NEURL1: variants seen among roughly 807,000 people sequenced by gnomAD.
NEURL1 encodes neuralized E3 ubiquitin protein ligase 1, also known as E3 ubiquitin-protein ligase NEURL1.
A neutral mutation model predicts 41.2 loss-of-function variants in NEURL1; 26 were observed. That is an observed-to-expected ratio of 0.63 (90% CI 0.46 to 0.87). NEURL1 has a LOEUF of 0.87. Among genes scored for constraint, NEURL1 ranks in the 40% least tolerant of loss-of-function variants. The pLI is 0.00. For missense variants in NEURL1, 761 were observed against 871.1 expected (o/e 0.87, Z 1.59); for synonymous variants, 400 against 402.3 (o/e 0.99, Z 0.07).
chr10:103,584,384 T>A, intron 3 of NEURL1, 152 bp from the exon 4 acceptor site: 1 of 461,924 alleles, frequency 2.2e-6, no homozygotes, highest in Non-Finnish European at 3.6e-6. Context: ...GAGTCGTTTC[T>A]TGACTGTGTT....
intron 1 of NEURL1, among the ~76,000 whole-genome samples, chr10:103,513,659 G>A (rs1224555104): frequency 1.3e-5 from 2 of 152,160 alleles, no homozygotes; most frequent in Non-Finnish European, 2.9e-5. Flanking sequence ...GACTCACAGG[G>A]CAAGTTGAAG....
chr10:103,589,170 G>A (rs1386233804), intron 4 of NEURL1, among the ~76,000 whole-genome samples: 1 of 152,120 alleles, frequency 6.6e-6, no homozygotes, highest in Admixed American at 6.5e-5. Flanking sequence ...GGCCCAGGAA[G>A]CTTTGCAGAA....
At chr10:103,520,688 G>A (rs552549286) in intron 1 of NEURL1, among the ~76,000 whole-genome samples, 25 of 152,184 alleles carry the variant, frequency 1.6e-4, no homozygotes, top group African/African-American at 3.1e-4. Flanking sequence ...AAATAGTGTC[G>A]AAGTGTTGGG....
At chr10:103,574,849 T>G (rs549150810) in intron 3 of NEURL1, among the ~76,000 whole-genome samples, 82 of 152,294 alleles carry the variant, frequency 5.4e-4, no homozygotes, top group Non-Finnish European at 8.5e-4. Context: ...GGCTCCTCTC[T>G]GCACACCCGA....
chr10:103,499,176 G>A (rs2033762255), intron 1 of NEURL1, among the ~76,000 whole-genome samples: 1 of 152,190 alleles, frequency 6.6e-6, no homozygotes. Context: ...TGACGCCAGC[G>A]AGACACCTGT....
At chr10:103,517,524 C>T (rs1276342474) in intron 1 of NEURL1, 1 of 152,436 alleles carries the variant, frequency 6.6e-6, no homozygotes, top group Admixed American at 6.5e-5. Context: ...AGTGAGTCCT[C>T]TCCTGCCCAC....
intron 1 of NEURL1, among the ~76,000 whole-genome samples, chr10:103,501,083 A>G (rs1050647648): frequency 6.6e-6 from 1 of 152,160 alleles, no homozygotes; most frequent in Admixed American, 6.5e-5. Context: ...AGGGATGGTG[A>G]GCAGTCCTCT....
chr10:103,534,029 A>C (rs1258018308), intron 1 of NEURL1, among the ~76,000 whole-genome samples: 1 of 151,998 alleles, frequency 6.6e-6, no homozygotes, highest in Non-Finnish European at 1.5e-5. Context: ...AGCGCTGTTG[A>C]AGCTCTCTAT....
chr10:103,590,592 A>C lies in NEURL1; in HGVS notation c.*220A>C. ...CCGGGCAGAGGGAGGGGAGGAGAGG[A>C]GGCCGCACTCTCCCTGTCTCTCCCG... On this transcript the variant is annotated 3_prime_UTR_variant, in exon 6 of 6. Transcript: ENST00000369780. 1.7e-6 allele frequency: 1 copy of C among 582,690 alleles called. No individual in the cohort carries two copies. The highest frequency in any genetic ancestry group is 2.0e-5 in the South Asian group (1 of 49,312). 36.1% of individuals were successfully genotyped at this position (582,690 alleles called of 1,614,324 possible). A position where few individuals can be genotyped will look rare whatever the true frequency, so the allele number is the denominator to read the frequency against.
At position 103,570,969 on chromosome 10, in the gene NEURL1, G is replaced by A. The variant is rs2035529347; in HGVS notation, c.183G>A (p.Thr61=). 14 of 1,613,848 alleles carry A rather than the reference G, an allele frequency of 8.7e-6. No individual in the cohort carries two copies. Among genetic ancestry groups the A allele is most frequent in the South Asian group, 6.6e-5 (6 of 91,084 alleles). ...AVLPSGGLPA[T]PLLFHPHTKG... ...TGCCCAGCGGGGGGCTCCCAGCCAC[G>A]CCGCTGCTCTTCCACCCGCACACCA... Residue 61 remains threonine, a synonymous_variant, in exon 2 of 6, where the codon ACG becomes ACA. Coordinates refer to ENST00000369780, the MANE Select transcript of NEURL1 (RefSeq NM_004210.5).
chr10:103,571,762 G>T lies in NEURL1; in HGVS notation c.589G>T (p.Ala197Ser). The T allele has an allele frequency of 1.9e-6, 3 of 1,613,782 alleles. No individual in the cohort carries two copies. Among genetic ancestry groups the T allele is most frequent in the Non-Finnish European group, 1.7e-6 (2 of 1,179,922 alleles). ...VMLFFSGVRT[A>S]DPLWALVDVY... ...GCTGTTCTTCAGCGGGGTCCGCACG[G>T]CCGACCCGCTCTGGGCCCTGGTGGA... Residue 197 changes from alanine (A) to serine (S), a missense_variant, in exon 3 of 6, where the codon GCC (alanine) becomes TCC (serine). Around this residue, in one of 5 missense-constraint regions of NEURL1, gnomAD observed 114 missense variants for 144.8 expected, o/e 0.79. Transcript: ENST00000369780.
At chr10:103,503,488 A>C (rs1050222886) in intron 1 of NEURL1, among the ~76,000 whole-genome samples, 2 of 152,134 alleles carry the variant, frequency 1.3e-5, no homozygotes, top group African/African-American at 4.8e-5. Flanking sequence ...TGGGAACTGA[A>C]GTTCTCTGAG....
chr10:103,565,545 C>T (rs946876153), intron 1 of NEURL1, among the ~76,000 whole-genome samples: 1 of 152,228 alleles, frequency 6.6e-6, no homozygotes, highest in African/African-American at 2.4e-5. Context: ...ACATCCTAGG[C>T]ACTGCCCAGG....
At chr10:103,526,525 T>TC in intron 1 of NEURL1, among the ~76,000 whole-genome samples, 1 of 152,302 alleles carries the variant, frequency 6.6e-6, no homozygotes, top group African/African-American at 2.4e-5. Flanking sequence ...TCTTTTCTTT[T>TC]TTTTTTGAGA....
Position 103,584,902 on chromosome 10 carries a change from T to A in NEURL1, c.1016T>A (p.Phe339Tyr). The A allele has an allele frequency of 1.4e-6, 2 of 1,459,524 alleles. No homozygotes were observed. Among genetic ancestry groups the A allele is most frequent in the Non-Finnish European group, 9.0e-7 (1 of 1,113,098 alleles). 90.4% of individuals were successfully genotyped at this position (1,459,524 alleles called of 1,614,324 possible). Residue 339 changes from phenylalanine (F) to tyrosine (Y), a missense_variant, in exon 4 of 6, where the codon TTC becomes TAC. By Grantham distance (22) the Phe-to-Tyr change is conservative. This residue lies in a region of NEURL1 where 443 missense variants were observed against 408.1 expected (regional missense o/e 1.09). Coordinates refer to ENST00000369780, the MANE Select transcript of NEURL1 (RefSeq NM_004210.5). ...SRPVRVAETI[F>Y]VKVTRSGGAR... is the part of the protein sequence containing the mutation. Reference sequence around the variant, plus strand: ...CCCGTGCGCGTGGCCGAGACCATCTTCGTCAAGGTCACGCGCTCGGGTGGC... The same window carrying A: ...CCCGTGCGCGTGGCCGAGACCATCTACGTCAAGGTCACGCGCTCGGGTGGC...
chr10:103,533,578 C>T (rs1466236842), intron 1 of NEURL1, among the ~76,000 whole-genome samples: 5 of 151,890 alleles, frequency 3.3e-5, no homozygotes, highest in Admixed American at 3.3e-4. Flanking sequence ...ACTCTGTCGC[C>T]CAGGCTGGAG....
At chr10:103,532,499 A>C (rs1202416907) in intron 1 of NEURL1, among the ~76,000 whole-genome samples, 1 of 152,004 alleles carries the variant, frequency 6.6e-6, no homozygotes, top group East Asian at 1.9e-4. Context: ...GGGAAAGACT[A>C]TTTCTCCCTA....
chr10:103,573,868 C>T lies in NEURL1; in HGVS notation c.649+2046C>T, dbSNP rs188735605. On this transcript the variant is annotated intron_variant, in intron 3 of 5. Coordinates refer to ENST00000369780, the MANE Select transcript of NEURL1 (RefSeq NM_004210.5). ...CCAAAGCCCCCTCCCTCCCTGAAAC[C>T]TTCCTGGGCGGAATTCTTCTCTCCA... 5.3e-5 allele frequency among the ~76,000 whole-genome samples: 8 copies of T among 152,346 alleles called. No homozygotes were observed. The East Asian group carries it at 1.5e-3, about 29-fold the overall frequency.
chr10:103,536,133 G>A (rs377583211), intron 1 of NEURL1, among the ~76,000 whole-genome samples: 25 of 152,214 alleles, frequency 1.6e-4, no homozygotes, highest in African/African-American at 5.8e-4. Flanking sequence ...AGCTGATCCT[G>A]GTGGGGGGAT....
Sources: gnomAD v4.1 joint callset for allele counts (sites outside exome capture counted in the v4.1 genomes callset) on GRCh38, gnomAD v4.1.1 for gene constraint, gnomAD v4.1.1 regional missense constraint, MANE v1.5 for transcripts, NCBI Gene and HGNC (gene_info 2026-07-23, HGNC 2026-07-21) for gene names.